The following KIF11 variants were observed in gnomAD, a reference collection of about 807,000 sequenced individuals.
KIF11 encodes kinesin family member 11.
KIF11 carries 9 observed loss-of-function variants against 121.0 expected under a neutral mutation model. The ratio of observed to expected loss-of-function variants is 0.07; its 90% CI spans 0.04 to 0.13. KIF11 has a LOEUF of 0.13. Ranked by LOEUF, KIF11 falls within the 10% of genes least tolerant of loss-of-function variation. KIF11 has a pLI of 1.00. For synonymous variants in KIF11, 408 were observed against 421.0 expected, an observed-to-expected ratio of 0.97 and a Z score of 0.38; for missense variants, 846 against 1,217.5, an observed-to-expected ratio of 0.69 and a Z score of 4.54.
Position 92,609,670 on chromosome 10 carries a change from AG to A in KIF11, c.698+163del, listed in dbSNP as rs961065316. On this transcript the variant is annotated intron_variant, in intron 6 of 21. Coordinates refer to ENST00000260731, the MANE Select transcript of KIF11 (RefSeq NM_004523.4). Reference sequence around the variant, plus strand: ...GTAATTGGCTTGAGATTTATATGGAAGGAACCAATATTGGAAGAATGTTGAA... The same window carrying A: ...GTAATTGGCTTGAGATTTATATGGAAGAACCAATATTGGAAGAATGTTGAA... Among the ~76,000 whole-genome samples the A allele has an allele frequency of 2.6e-5, 4 of 152,276 alleles. No homozygotes were observed. The South Asian group carries it at 8.3e-4, about 32-fold the overall frequency.
Position 92,635,391 on chromosome 10 carries a change from G to C in KIF11, c.1875+1596G>C, listed in dbSNP as rs191033486. Among the ~76,000 whole-genome samples the C allele has an allele frequency of 2.9e-3, 449 of 152,258 alleles. 2 individuals carry two copies. The highest frequency in any genetic ancestry group is 3.6e-3 in the Non-Finnish European group (242 of 68,010). On this transcript the variant is annotated intron_variant, in intron 14 of 21. Transcript: ENST00000260731. ...TGCTTCCAGACCACTGCAATAAAGT[G>C]AATATTACAATAAAGCAAGTCATGA... is the stretch of plus-strand genomic sequence containing the variant.
chr10:92,598,137 T>C (rs561159581), intron 1 of KIF11, among the ~76,000 whole-genome samples: 14 of 152,336 alleles, frequency 9.2e-5, no homozygotes, highest in African/African-American at 3.4e-4. Flanking sequence ...TTTTGTTCCC[T>C]GTATCTTTGG....
intron 6 of KIF11, among the ~76,000 whole-genome samples, chr10:92,612,547 G>T (rs965729079): frequency 6.6e-6 from 1 of 152,198 alleles, no homozygotes; most frequent in Non-Finnish European, 1.5e-5. Flanking sequence ...GCTGTTAGGG[G>T]ATAGGAGTCA....
rs1162259481 is a variant in KIF11, at chr10:92,614,025, C to T, written c.1032+406C>T. On this transcript the variant is annotated intron_variant, in intron 8 of 21. Transcript: ENST00000260731. The stretch of plus-strand genomic sequence containing the variant: ...AAAAAAAGAAAAGTATGTGTATACA[C>T]ACACACACACACACACACACACACA... Among the ~76,000 whole-genome samples, 220 of 24,390 alleles carry T rather than the reference C, an allele frequency of 9.0e-3. 4 individuals carry two copies. In the South Asian group the frequency reaches 0.15, roughly 17 times the overall value. The allele number at this position is 24,390 out of a possible 152,430, so 16.0% of individuals were successfully genotyped here.
intron 13 of KIF11, among the ~76,000 whole-genome samples, chr10:92,632,938 G>A (rs1320379150): frequency 6.7e-6 from 1 of 149,906 alleles, no homozygotes; most frequent in Non-Finnish European, 1.5e-5. Flanking sequence ...GTATATAAAC[G>A]TTAGAAGTAG....
At chr10:92,594,055 GTGTT>G (rs1356549901) in intron 1 of KIF11, among the ~76,000 whole-genome samples, 4 of 152,158 alleles carry the variant, frequency 2.6e-5, no homozygotes, top group Non-Finnish European at 4.4e-5. Flanking sequence ...ATGTGGAGGG[GTGTT>G]CGGCCCTCCC....
At chr10:92,653,634 T>C (rs1306769712) in intron 21 of KIF11, 31 bp from the exon 22 acceptor site, 1 of 1,595,762 alleles carries the variant, frequency 6.3e-7, no homozygotes, top group South Asian at 1.1e-5. Context: ...TTACTTTGTA[T>C]TGACTTAATT....
At chr10:92,616,215 GTT>G (rs1267863572) in intron 8 of KIF11, among the ~76,000 whole-genome samples, 2 of 140,262 alleles carry the variant, frequency 1.4e-5, no homozygotes, top group African/African-American at 5.2e-5. Flanking sequence ...TTGTTTTTTT[GTT>G]TTTTTTTTTT....
chr10:92,650,348 G>C (rs975185149), intron 20 of KIF11, 53 bp from the exon 21 acceptor site: 1 of 1,002,378 alleles, frequency 1.0e-6, no homozygotes, highest in Non-Finnish European at 1.6e-6. Flanking sequence ...TGTTACTCTT[G>C]TGATGACTTT....
chr10:92,632,446 C>G, intron 12 of KIF11, 40 bp from the exon 13 acceptor site: 2 of 1,242,648 alleles, frequency 1.6e-6, no homozygotes, highest in Non-Finnish European at 2.3e-6. Context: ...ATTCCTTTCA[C>G]CGTATCCATT....
Position 92,640,723 on chromosome 10 carries a change from C to T in KIF11, c.2267+823C>T, listed in dbSNP as rs948542927. ...GGGATTGCAGGCGTGAGCCACCACGCCCGGCTCTGTTTTGTTTTTTCAGAC... is the reference window on the plus strand; with the variant it reads ...GGGATTGCAGGCGTGAGCCACCACGTCCGGCTCTGTTTTGTTTTTTCAGAC... On this transcript the variant is annotated intron_variant, in intron 17 of 21. Coordinates refer to ENST00000260731, the MANE Select transcript of KIF11 (RefSeq NM_004523.4). Among the ~76,000 whole-genome samples, 9 of 152,232 alleles carry T rather than the reference C, an allele frequency of 5.9e-5. No individual in the cohort carries two copies. The East Asian group carries it at 1.5e-3, about 26-fold the overall frequency.
At chr10:92,630,044 A>G in intron 11 of KIF11, 132 bp from the exon 12 acceptor site, 2 of 559,912 alleles carry the variant, frequency 3.6e-6, no homozygotes, top group Non-Finnish European at 6.3e-6. Context: ...ACAGGATGAC[A>G]TATTTGTGTT....
chr10:92,618,643 CAAAAAAAAA>C (rs369094008), intron 9 of KIF11, among the ~76,000 whole-genome samples: 1 of 89,500 alleles, frequency 1.1e-5, no homozygotes, highest in African/African-American at 3.6e-5. Flanking sequence ...GGCTCTGTCT[CAAAAAAAAA>C]AAAAAGAAAA....
intron 8 of KIF11, among the ~76,000 whole-genome samples, chr10:92,615,889 G>T (rs528788165): frequency 5.4e-4 from 81 of 149,844 alleles, no homozygotes; most frequent in African/African-American, 1.9e-3. Flanking sequence ...GCCTAGGCTG[G>T]AGTGCAATGG....
Position 92,609,115 on chromosome 10 carries a change from G to A in KIF11, c.483G>A (p.Leu161=), listed in dbSNP as rs772538298. 6 of 1,607,038 alleles carry A rather than the reference G, an allele frequency of 3.7e-6. No homozygotes were observed. In the Admixed American group the frequency reaches 6.7e-5, roughly 18 times the overall value. ...GTEFSVKVSL[L]EIYNEELFDL... ...AATTTTCAGTCAAAGTGTCTCTGTT[G>A]GAGATCTATAATGAAGAGCTTTTTG... is the stretch of plus-strand genomic sequence containing the variant. Residue 161 remains leucine (L), a synonymous_variant, in exon 5 of 22, where the codon TTG becomes TTA. Transcript: ENST00000260731.
chr10:92,635,608 G>T (rs898801524), intron 14 of KIF11, among the ~76,000 whole-genome samples: 2 of 152,138 alleles, frequency 1.3e-5, no homozygotes, highest in Admixed American at 6.6e-5. Flanking sequence ...ATTGATCACA[G>T]TGTATAATGA....
rs993004742 is a variant in KIF11, at chr10:92,640,710, G to A, written c.2267+810G>A. Among the ~76,000 whole-genome samples the A allele has an allele frequency of 5.9e-5, 9 of 152,210 alleles. No individual in the cohort carries two copies. The South Asian group carries it at 1.4e-3, about 25-fold the overall frequency. On this transcript the variant is annotated intron_variant, in intron 17 of 21. Transcript: ENST00000260731. ...CTCCCAAAGTGCTGGGATTGCAGGC[G>A]TGAGCCACCACGCCCGGCTCTGTTT...
At chr10:92,644,682 T>G (rs1262500628) in intron 17 of KIF11, among the ~76,000 whole-genome samples, 1 of 152,178 alleles carries the variant, frequency 6.6e-6, no homozygotes, top group Non-Finnish European at 1.5e-5. Context: ...CTGACTCACT[T>G]GGTTTACCCA....
intron 12 of KIF11, 100 bp from the exon 13 acceptor site, chr10:92,632,386 A>T: frequency 1.2e-6 from 1 of 807,854 alleles, no homozygotes; most frequent in South Asian, 1.7e-5. Flanking sequence ...CAGGCTGGAA[A>T]ATTTACTAGT....
Sources: gnomAD v4.1 joint callset for allele counts (sites outside exome capture counted in the v4.1 genomes callset) on GRCh38, gnomAD v4.1.1 for gene constraint, MANE v1.5 for transcripts, NCBI Gene and HGNC (gene_info 2026-07-23, HGNC 2026-07-21) for gene names.